USP33: variants seen among roughly 807,000 people sequenced by gnomAD.
The protein encoded by USP33 is ubiquitin specific peptidase 33.
USP33 carries 46 observed loss-of-function variants against 124.2 expected under a neutral mutation model. The ratio of observed to expected loss-of-function variants is 0.37; its 90% confidence interval spans 0.29 to 0.47. The LOEUF is 0.47. Ranked by LOEUF, USP33 falls within the 20% of genes least tolerant of loss-of-function variation. The pLI is 0.99. For missense variants in USP33, 851 were observed against 1,070.6 expected, an observed-to-expected ratio of 0.79 and a Z score of 2.86; for synonymous variants, 350 against 352.3, an observed-to-expected ratio of 0.99 and a Z score of 0.07.
intron 1 of USP33, among the ~76,000 whole-genome samples, chr1:77,750,056 G>A (rs1046024322): frequency 6.6e-6 from 1 of 152,016 alleles, no homozygotes; most frequent in African/African-American, 2.4e-5. Flanking sequence ...CAGGTGCGAT[G>A]ACTGTAATTC....
intron 21 of USP33, 76 bp downstream of exon 21, chr1:77,711,671 T>C (rs1425006644): frequency 6.5e-7 from 1 of 1,544,814 alleles, no homozygotes; most frequent in Non-Finnish European, 8.7e-7. Context: ...ATCATTTTAT[T>C]AATATCATAT....
At position 77,696,278 on chromosome 1, in the gene USP33, C is replaced by A. The variant is rs1673436414; in HGVS notation, c.*1039G>T. ...GTAGTGACACATTCCACACTTCATGCTCTCAAAATAAAAAGTGCCCTAAAA... is the reference window on the plus strand; with the variant it reads ...GTAGTGACACATTCCACACTTCATGATCTCAAAATAAAAAGTGCCCTAAAA... On this transcript the variant is annotated 3_prime_UTR_variant, in exon 24 of 24. Coordinates refer to ENST00000370794, the MANE Select transcript of USP33 (RefSeq NM_201624.3). 1 of 152,578 alleles carries A rather than the reference C, an allele frequency of 6.6e-6. No individual in the cohort carries two copies. 9.5% of individuals were successfully genotyped at this position (152,578 alleles called of 1,614,324 possible). A position where few individuals can be genotyped will look rare whatever the true frequency, so the allele number is the denominator to read the frequency against.
chr1:77,701,576 G>A (rs1674021297), intron 21 of USP33, 105 bp from the exon 22 acceptor site: 1 of 904,800 alleles, frequency 1.1e-6, no homozygotes, highest in East Asian at 2.6e-5. Flanking sequence ...ACTTTGGGAG[G>A]CTGAGGCAGG....
At chr1:77,759,401 G>T in intron 1 of USP33, 1 of 392,902 alleles carries the variant, frequency 2.5e-6, no homozygotes, top group Admixed American at 4.4e-5. Flanking sequence ...TCAAATCAAC[G>T]ACCGGTTCCC....
chr1:77,741,229 T>A, intron 3 of USP33, 147 bp downstream of exon 3: 2 of 772,712 alleles, frequency 2.6e-6, no homozygotes, highest in Non-Finnish European at 4.0e-6. Context: ...TTTCCAAAGT[T>A]TAATTTTTGT....
intron 20 of USP33, 141 bp from the exon 21 acceptor site, chr1:77,711,996 T>C (rs1675314893): frequency 5.0e-6 from 4 of 796,854 alleles, no homozygotes; most frequent in Non-Finnish European, 5.8e-6. Flanking sequence ...ATATAAGGAC[T>C]TGTTATTATG....
intron 21 of USP33, among the ~76,000 whole-genome samples, chr1:77,710,828 G>C (rs903151832): frequency 3.3e-5 from 5 of 152,156 alleles, no homozygotes; most frequent in Admixed American, 2.0e-4. Context: ...TGTCTCTCAA[G>C]TGATCCAAAT....
intron 1 of USP33, among the ~76,000 whole-genome samples, chr1:77,747,637 C>T (rs1330299340): frequency 1.3e-5 from 2 of 152,124 alleles, no homozygotes; most frequent in Non-Finnish European, 2.9e-5. Flanking sequence ...TATCCTTTAC[C>T]ATTAAAAGGT....
intron 15 of USP33, chr1:77,720,415 A>G (rs1676451593): frequency 1.0e-6 from 1 of 985,286 alleles, no homozygotes; most frequent in Non-Finnish European, 1.2e-6. Context: ...TCAAGAACAA[A>G]GTGATACTTT....
At chr1:77,754,974 T>C (rs1680666032) in intron 1 of USP33, among the ~76,000 whole-genome samples, 1 of 152,198 alleles carries the variant, frequency 6.6e-6, no homozygotes, top group Non-Finnish European at 1.5e-5. Flanking sequence ...AATGGCAAAA[T>C]ATGGTCAATT....
In USP33 at chr1:77,759,780, G is replaced by C. The variant is rs992537955; in HGVS notation, c.-189C>G. On this transcript the variant is annotated 5_prime_UTR_variant, in exon 1 of 24. Transcript: ENST00000370794. ...AGGAGGGCCGGAAAACGGCCCCGCA[G>C]CGCTGCCCTCGGGGGGTCCGCCTCC... The C allele has an allele frequency of 1.0e-5, 4 of 397,800 alleles. No individual in the cohort carries two copies. The highest frequency in any genetic ancestry group is 4.4e-5 in the Admixed American group (1 of 22,690). 24.6% of individuals were successfully genotyped at this position (397,800 alleles called of 1,614,324 possible). A position where few individuals can be genotyped will look rare whatever the true frequency, so the allele number is the denominator to read the frequency against.
At chr1:77,719,393 G>C (rs1351086525) in intron 15 of USP33, among the ~76,000 whole-genome samples, 1 of 152,064 alleles carries the variant, frequency 6.6e-6, no homozygotes, top group African/African-American at 2.4e-5. Context: ...CAAGATATCG[G>C]TAATCAAAAA....
Position 77,697,327 on chromosome 1 carries a change from C to G in USP33, c.2726G>C (p.Arg909Pro), listed in dbSNP as rs955119861. ...QAEEKIEVET[R>P]SL ...TCTACATCCTAAAAATTACAAAGACCGAGTTTCTACTTCAATTTTTTCTTC... is the reference window on the plus strand; with the variant it reads ...TCTACATCCTAAAAATTACAAAGACGGAGTTTCTACTTCAATTTTTTCTTC... Residue 909 changes from arginine (R) to proline (P), a missense_variant, in exon 24 of 24, where the codon CGG (arginine) becomes CCG (proline). Coordinates refer to ENST00000370794, the MANE Select transcript of USP33 (RefSeq NM_201624.3). 15 of 1,599,376 alleles carry G rather than the reference C, an allele frequency of 9.4e-6. No individual in the cohort carries two copies. Among genetic ancestry groups the G allele is most frequent in the Non-Finnish European group, 1.2e-5 (14 of 1,175,726 alleles).
At chr1:77,701,992 T>C (rs1674068256) in intron 21 of USP33, among the ~76,000 whole-genome samples, 1 of 151,666 alleles carries the variant, frequency 6.6e-6, no homozygotes, top group Non-Finnish European at 1.5e-5. Flanking sequence ...ATTTTTTTAA[T>C]TAGCTGTGTG....
At chr1:77,742,901 T>TC in intron 1 of USP33, among the ~76,000 whole-genome samples, 1 of 151,604 alleles carries the variant, frequency 6.6e-6, no homozygotes, top group Admixed American at 6.6e-5. Context: ...TATAAGAGTG[T>TC]CTGTCTGCCT....
chr1:77,730,553 CT>C, intron 8 of USP33, 64 bp downstream of exon 8: 1 of 1,236,698 alleles, frequency 8.1e-7, no homozygotes, highest in African/African-American at 1.6e-5. Context: ...GACCTGCAAC[CT>C]TTAAATATTT....
At chr1:77,714,063 T>G (rs1675591207) in intron 19 of USP33, among the ~76,000 whole-genome samples, 1 of 152,214 alleles carries the variant, frequency 6.6e-6, no homozygotes, top group African/African-American at 2.4e-5. Context: ...TCCTATTTAT[T>G]GTAGAAATAA....
At chr1:77,711,081 T>C (rs1219473101) in intron 21 of USP33, among the ~76,000 whole-genome samples, 1 of 152,094 alleles carries the variant, frequency 6.6e-6, no homozygotes, top group African/African-American at 2.4e-5. Flanking sequence ...AAGAATATTA[T>C]ATCTCACAAA....
At chr1:77,758,599 T>C (rs1681024627) in intron 1 of USP33, among the ~76,000 whole-genome samples, 1 of 152,198 alleles carries the variant, frequency 6.6e-6, no homozygotes, top group African/African-American at 2.4e-5. Context: ...CTCTCTTATT[T>C]ATAATAGTAT....
Sources: allele counts gnomAD v4.1 joint callset (sites outside exome capture counted in the v4.1 genomes callset), GRCh38; gene constraint gnomAD v4.1.1; transcripts MANE v1.5; gene names NCBI Gene and HGNC (gene_info 2026-07-23, HGNC 2026-07-21).